Variants in HDAC6 observed in about 807,000 individuals in gnomAD.
The protein encoded by HDAC6 is protein deacetylase HDAC6.
HDAC6 carries 5 observed loss-of-function variants against 88.9 expected under a neutral mutation model. The observed-to-expected ratio is 0.06, with a 90% CI of 0.03 to 0.12. The LOEUF is 0.12. HDAC6 is among the 10% of genes least tolerant of loss of function. The probability of loss-of-function intolerance (pLI) is 1.00; values close to 1 mark genes in which losing one functional copy is unlikely to be tolerated. For missense variants in HDAC6, 706 were observed against 1,014.4 expected, an observed-to-expected ratio of 0.70 and a Z score of 4.13; for synonymous variants, 378 against 398.0, an observed-to-expected ratio of 0.95 and a Z score of 0.60.
chrX:48,801,748 A>AGAGGTGTGGCTCGCGC (rs1180164044), upstream of HDAC6: 3 of 667,191 alleles, frequency 4.5e-6, no homozygotes, highest in East Asian at 2.7e-4. Context: ...TGAGCTCGCG[A>AGAGGTGTGGCTCGCGC]GAGGTGTGGC....
chrX:48,801,933 A>G, upstream of HDAC6: 10 of 971,763 alleles, frequency 1.0e-5, no homozygotes, highest in Non-Finnish European at 1.3e-5. Context: ...GCTGCGTCCA[A>G]TGAGTGGAGC....
chrX:48,814,940 C>A, intron 13 of HDAC6, 22 bp from the exon 14 acceptor site: 2 of 1,208,813 alleles, frequency 1.7e-6, no homozygotes, highest in Non-Finnish European at 2.2e-6. Context: ...TGGAGCCAGG[C>A]TGACCCTCCA....
rs2063132128 is a variant in HDAC6 at position 48,824,304 on chromosome X, G to T, written c.3579+10G>T. On this transcript the variant is annotated intron_variant, in intron 28 of 28. Coordinates refer to ENST00000334136, the MANE Select transcript of HDAC6 (RefSeq NM_006044.4). ...CTATGTCCACCACCAGGTGGGCCCT[G>T]GGTAGACCCTTCGACACGTGCACAC... 1 of 1,205,461 alleles carries T rather than the reference G, an allele frequency of 8.3e-7. No individual in the cohort carries two copies. The highest frequency in any genetic ancestry group is 1.1e-6 in the Non-Finnish European group (1 of 892,391).
At chrX:48,803,472 T>G (rs1321640630) in intron 4 of HDAC6, 1 of 362,798 alleles carries the variant, frequency 2.8e-6, no homozygotes, top group African/African-American at 2.6e-5. Context: ...GATTGATGAG[T>G]AGGAGGGCAG....
In HDAC6 at chrX:48,818,348, C is replaced by T; in HGVS notation, c.2123C>T (p.Pro708Leu). 8.3e-7 allele frequency: 1 copy of T among 1,199,041 alleles called. No homozygotes were observed. Among genetic ancestry groups the T allele is most frequent in the Non-Finnish European group, 1.1e-6 (1 of 889,096 alleles). ...GFTVNVAWNG[P>L]RMGDADYLAA... Reference sequence around the variant, plus strand: ...ACCGTCAACGTGGCATGGAACGGGCCCCGCATGGGTGATGCTGACTACCTA... The same window carrying T: ...ACCGTCAACGTGGCATGGAACGGGCTCCGCATGGGTGATGCTGACTACCTA... The change falls in exon 22 of 29, where the codon CCC (proline) becomes CTC (leucine). Residue 708 changes from proline (P) to leucine (L), a missense_variant. Around this residue, in one of 9 missense-constraint regions of HDAC6, gnomAD observed 138 missense variants for 303.5 expected, o/e 0.45. Coordinates refer to ENST00000334136, the MANE Select transcript of HDAC6 (RefSeq NM_006044.4).
chrX:48,816,093 C>T, intron 17 of HDAC6, 41 bp downstream of exon 17: 1 of 1,208,821 alleles, frequency 8.3e-7, no homozygotes, highest in Non-Finnish European at 1.1e-6. Context: ...GTTGGGGGTC[C>T]CTCCCCCTCA....
chrX:48,822,002 G>A (rs966481399), intron 23 of HDAC6, among the ~76,000 whole-genome samples: 13 of 111,730 alleles, frequency 1.2e-4, no homozygotes, highest in South Asian at 3.7e-4. Context: ...TTATGACCTC[G>A]GACAAGTCAT....
At chrX:48,811,818 G>A (rs1260906474) in intron 10 of HDAC6, among the ~76,000 whole-genome samples, 3 of 111,195 alleles carry the variant, frequency 2.7e-5, no homozygotes, top group East Asian at 2.8e-4. Flanking sequence ...GTTTTCCTCC[G>A]ACGTTCTTTA....
In HDAC6 at chrX:48,823,723, G is replaced by C. The variant is rs782129125; in HGVS notation, c.3241G>C (p.Ala1081Pro). 5.8e-6 allele frequency: 7 copies of C among 1,210,605 alleles called. No individual in the cohort carries two copies. Among genetic ancestry groups the C allele is most frequent in the Non-Finnish European group, 7.8e-6 (7 of 894,762 alleles). ...PGEENLLGEA[A>P]GGQDMADSML... ...AGAGGAGAACCTACTAGGAGAGGCA[G>C]CTGGAGGTCAGGACATGGCTGATTC... Residue 1081 changes from alanine (A) to proline (P), a missense_variant, in exon 26 of 29, where the codon GCT (alanine) becomes CCT (proline). Ala to Pro is a conservative substitution (Grantham distance 27, BLOSUM62 -1). Coordinates refer to ENST00000334136, the MANE Select transcript of HDAC6 (RefSeq NM_006044.4).
At position 48,812,994 on chromosome X, in the gene HDAC6, G is replaced by A. The variant is rs781888244; in HGVS notation, c.807-1446G>A. Among the ~76,000 whole-genome samples, 14 of 111,094 alleles carry A rather than the reference G, an allele frequency of 1.3e-4. No homozygotes were observed. The South Asian group carries it at 2.6e-3, about 21-fold the overall frequency. On this transcript the variant is annotated intron_variant, in intron 10 of 28. Transcript: ENST00000334136. ...CCGATCTCGGCTCACTGCAACCTCC[G>A]CCTCCTGGGTTCAAGCAATTCTCCT...
Position 48,818,059 on chromosome X carries a change from G to T in HDAC6, c.1944G>T (p.Trp648Cys). The change falls in exon 21 of 29, where the codon TGG becomes TGT. Residue 648 changes from tryptophan to cysteine, a missense_variant. Coordinates refer to ENST00000334136, the MANE Select transcript of HDAC6 (RefSeq NM_006044.4). ...GHALRILIVD[W>C]DVHHGNGTQH... ...TCCCCAGGATCCTGATTGTGGATTGGGATGTCCACCACGGTAATGGAACTC... is the reference window on the plus strand; with the variant it reads ...TCCCCAGGATCCTGATTGTGGATTGTGATGTCCACCACGGTAATGGAACTC... The T allele has an allele frequency of 8.3e-7, 1 of 1,198,819 alleles. No individual in the cohort carries two copies. Among genetic ancestry groups the T allele is most frequent in the East Asian group, 3.0e-5 (1 of 33,552 alleles).
Position 48,818,555 on chromosome X carries a change from G to A in HDAC6, c.2187+143G>A, listed in dbSNP as rs887570143. The A allele has an allele frequency of 2.7e-5, 13 of 486,882 alleles. 1 individual carries two copies. The highest frequency in any genetic ancestry group is 4.3e-5 in the Non-Finnish European group (13 of 299,995). The allele number at this position is 486,882 out of a possible 1,213,427, so 40.1% of individuals were successfully genotyped here. ...GCATGGGTGTTTAATGAGGCTACCAGGGCAGTTGGTGGCTGTGATCACCTT... is the reference window on the plus strand; with the variant it reads ...GCATGGGTGTTTAATGAGGCTACCAAGGCAGTTGGTGGCTGTGATCACCTT... On this transcript the variant is annotated intron_variant, in intron 22 of 28. Transcript: ENST00000334136.
intron 19 of HDAC6, 57 bp from the exon 20 acceptor site, chrX:48,817,269 A>AG (rs2063004968): frequency 2.0e-6 from 2 of 1,019,153 alleles, no homozygotes; most frequent in Admixed American, 3.4e-5. Flanking sequence ...AAAAAAAAAA[A>AG]GGAAGAAAGG....
chrX:48,808,348 G>C (rs1557025079), intron 10 of HDAC6, 22 bp downstream of exon 10: 1 of 1,141,680 alleles, frequency 8.8e-7, no homozygotes, highest in Non-Finnish European at 1.2e-6. Flanking sequence ...CTCCCACCTA[G>C]GTGCTAGACT....
chrX:48,814,218 A>G, intron 10 of HDAC6: 1 of 421,048 alleles, frequency 2.4e-6, no homozygotes, highest in Non-Finnish European at 4.1e-6. Flanking sequence ...ATAAGAATGA[A>G]AAAATGGTAA....
intron 10 of HDAC6, 87 bp from the exon 11 acceptor site, chrX:48,814,353 G>A (rs1602256908): frequency 1.0e-6 from 1 of 967,519 alleles, no homozygotes; most frequent in East Asian, 3.1e-5. Context: ...GAAATGAGTG[G>A]TAGAGGAAAC....
intron 16 of HDAC6, 115 bp downstream of exon 16, chrX:48,815,757 CCTCT>C (rs2062974418): frequency 9.9e-7 from 1 of 1,012,735 alleles, no homozygotes; most frequent in South Asian, 2.0e-5. Context: ...AGGGTCAGGC[CCTCT>C]CTCTCTCCCT....
intron 6 of HDAC6, chrX:48,805,944 A>G (rs2062810258): frequency 2.4e-6 from 1 of 417,942 alleles, no homozygotes; most frequent in African/African-American, 2.5e-5. Context: ...TGATTGTGTG[A>G]ATAGATGGTG....
rs918716649 is a variant in HDAC6, at chrX:48,822,756, A to G, written c.2474A>G (p.Gln825Arg). 4.9e-5 allele frequency: 59 copies of G among 1,207,135 alleles called. No individual in the cohort carries two copies. The highest frequency in any genetic ancestry group is 6.3e-5 in the Non-Finnish European group (56 of 892,868). Residue 825 changes from glutamine to arginine, a missense_variant, in exon 24 of 29, where the codon CAA becomes CGA. Coordinates refer to ENST00000334136, the MANE Select transcript of HDAC6 (RefSeq NM_006044.4). ...GALASITETI[Q>R]VHRRYWRSLR... ...CTGGCCTCAATCACTGAGACCATCC[A>G]AGTCCATCGCAGATACTGGCGCAGC...
Sources: gnomAD v4.1 joint callset for allele counts (sites outside exome capture counted in the v4.1 genomes callset) on GRCh38, gnomAD v4.1.1 for gene constraint, gnomAD v4.1.1 regional missense constraint, MANE v1.5 for transcripts, NCBI Gene and HGNC (gene_info 2026-07-23, HGNC 2026-07-21) for gene names.